Variants in SLC4A4 observed in about 807,000 individuals in gnomAD.
The protein encoded by SLC4A4 is electrogenic sodium bicarbonate cotransporter 1.
A neutral mutation model predicts 111.5 loss-of-function variants in SLC4A4; 27 were observed. The ratio of observed to expected loss-of-function variants is 0.24; its 90% CI spans 0.18 to 0.33. The LOEUF is 0.33. Ranked by LOEUF, SLC4A4 falls within the 10% of genes least tolerant of loss-of-function variation. SLC4A4 has a pLI of 1.00. For missense variants in SLC4A4, 909 were observed against 1,315.5 expected (o/e 0.69, Z 4.78); for synonymous variants, 443 against 463.4 (o/e 0.96, Z 0.57).
chr4:71,391,381 A>G (rs565768789), intron 6 of SLC4A4, among the ~76,000 whole-genome samples: 53 of 152,200 alleles, frequency 3.5e-4, no homozygotes, highest in South Asian at 2.3e-3. Flanking sequence ...GTGTCATTGT[A>G]TTACATTAAT....
In SLC4A4 at chr4:71,346,333, A is replaced by G. The variant is rs73826259; in HGVS notation, c.390-3579A>G. Among the ~76,000 whole-genome samples the G allele has an allele frequency of 7.9e-3, 1,203 of 152,280 alleles. 17 individuals are homozygous for G. The highest frequency in any genetic ancestry group is 0.026 in the African/African-American group (1,066 of 41,568). On this transcript the variant is annotated intron_variant, in intron 4 of 25. Transcript: ENST00000264485. ...AGTATTTAAAAAGCCTGCTTCTGAA[A>G]CAAATTTTTCTGTAACATGTCAAGT...
At chr4:71,420,480 A>G (rs1722341137) in intron 7 of SLC4A4, among the ~76,000 whole-genome samples, 1 of 152,038 alleles carries the variant, frequency 6.6e-6, no homozygotes, top group African/African-American at 2.4e-5. Context: ...CAGGAAATAC[A>G]GAGAACGCCA....
intron 3 of SLC4A4, among the ~76,000 whole-genome samples, chr4:71,274,410 A>G (rs1381890710): frequency 6.6e-6 from 1 of 152,202 alleles, no homozygotes. Flanking sequence ...TATGTGCCAT[A>G]TGAGATTTCC....
At chr4:71,462,898 T>A (rs1024149379) in intron 12 of SLC4A4, among the ~76,000 whole-genome samples, 2 of 152,186 alleles carry the variant, frequency 1.3e-5, no homozygotes, top group African/African-American at 4.8e-5. Flanking sequence ...ATGGTATAGA[T>A]GTCTATCTGG....
At chr4:71,483,612 T>C (rs942208749) in intron 14 of SLC4A4, among the ~76,000 whole-genome samples, 1 of 151,970 alleles carries the variant, frequency 6.6e-6, no homozygotes, top group African/African-American at 2.4e-5. Context: ...TTTGCTGTTG[T>C]GGATAGTGCT....
rs912050196 is a variant in SLC4A4, at chr4:71,568,784, A to G, written c.*1033A>G. 3.9e-5 allele frequency: 6 copies of G among 152,174 alleles called. No individual in the cohort carries two copies. The highest frequency in any genetic ancestry group is 1.4e-4 in the African/African-American group (6 of 41,406). The allele number at this position is 152,174 out of a possible 1,614,324, so 9.4% of individuals were successfully genotyped here. ...TACACATACATACACACACAAATAC[A>G]CAATCTCTAGGGTAAGCCAGAAGGC... is the stretch of plus-strand genomic sequence containing the variant. On this transcript the variant is annotated 3_prime_UTR_variant, in exon 26 of 26. Coordinates refer to ENST00000264485, the MANE Select transcript of SLC4A4 (RefSeq NM_001098484.3).
intron 16 of SLC4A4, among the ~76,000 whole-genome samples, chr4:71,498,224 A>G (rs1188617285): frequency 6.6e-6 from 1 of 152,164 alleles, no homozygotes; most frequent in Non-Finnish European, 1.5e-5. Context: ...CGTAGTACAG[A>G]GAAACAGATA....
At chr4:71,424,402 A>G (rs993300868) in intron 7 of SLC4A4, among the ~76,000 whole-genome samples, 1 of 151,324 alleles carries the variant, frequency 6.6e-6, no homozygotes, top group African/African-American at 2.4e-5. Context: ...GGGACTGTAA[A>G]CTAGTTCAAC....
At chr4:71,323,910 G>A (rs1165224217) in intron 3 of SLC4A4, among the ~76,000 whole-genome samples, 1 of 151,880 alleles carries the variant, frequency 6.6e-6, no homozygotes, top group Non-Finnish European at 1.5e-5. Flanking sequence ...GGGAACGTTG[G>A]GAGTTGACAT....
chr4:71,300,563 T>G, intron 3 of SLC4A4: 1 of 271,674 alleles, frequency 3.7e-6, no homozygotes, highest in Non-Finnish European at 7.5e-6. Flanking sequence ...ACACCAAAGG[T>G]GTAGAGGAAG....
intron 2 of SLC4A4, among the ~76,000 whole-genome samples, chr4:71,105,486 G>A (rs1443742830): frequency 4.0e-5 from 6 of 151,636 alleles, no homozygotes; most frequent in East Asian, 1.9e-4. Context: ...CCAAAAGAAC[G>A]AAGCTGGAGG....
chr4:71,418,617 AC>A (rs1269852812), intron 7 of SLC4A4, among the ~76,000 whole-genome samples: 1 of 152,228 alleles, frequency 6.6e-6, no homozygotes, highest in African/African-American at 2.4e-5. Flanking sequence ...TCTAAATCAC[AC>A]CTTTAAGATA....
chr4:71,294,963 A>G (rs1007787634), intron 3 of SLC4A4, among the ~76,000 whole-genome samples: 7 of 152,204 alleles, frequency 4.6e-5, no homozygotes, highest in Admixed American at 2.0e-4. Context: ...TTTACAACTC[A>G]TTGCTTTTCT....
intron 20 of SLC4A4, among the ~76,000 whole-genome samples, chr4:71,554,231 T>C (rs1170606547): frequency 1.3e-5 from 2 of 151,870 alleles, no homozygotes; most frequent in Non-Finnish European, 2.9e-5. Context: ...GTGGATTTGG[T>C]AAGATTGGCC....
At chr4:71,170,821 A>T (rs1744912980) in intron 2 of SLC4A4, among the ~76,000 whole-genome samples, 1 of 152,234 alleles carries the variant, frequency 6.6e-6, no homozygotes, top group Admixed American at 6.5e-5. Context: ...TTTAGGGCTG[A>T]ACTAATCAGA....
At chr4:71,386,454 A>G (rs1718725931) in intron 6 of SLC4A4, among the ~76,000 whole-genome samples, 1 of 152,090 alleles carries the variant, frequency 6.6e-6, no homozygotes, top group Non-Finnish European at 1.5e-5. Flanking sequence ...AGAACTCCTA[A>G]TAATCAGATA....
At chr4:71,275,640 A>G (rs1407943121) in intron 3 of SLC4A4, among the ~76,000 whole-genome samples, 2 of 152,238 alleles carry the variant, frequency 1.3e-5, no homozygotes, top group African/African-American at 2.4e-5. Flanking sequence ...CAAATTACCT[A>G]TTTAAACCTC....
At chr4:71,544,672 C>A (rs1464672696) in intron 18 of SLC4A4, among the ~76,000 whole-genome samples, 1 of 152,072 alleles carries the variant, frequency 6.6e-6, no homozygotes, top group Non-Finnish European at 1.5e-5. Context: ...ACACAGCAGC[C>A]AGTGTGTTTA....
At chr4:71,373,689 G>A (rs1732088539) in intron 6 of SLC4A4, among the ~76,000 whole-genome samples, 1 of 152,172 alleles carries the variant, frequency 6.6e-6, no homozygotes, top group Non-Finnish European at 1.5e-5. Flanking sequence ...TTTATGTTAG[G>A]GAAATTAACC....
Sources: gnomAD v4.1 joint callset for allele counts (sites outside exome capture counted in the v4.1 genomes callset) on GRCh38, gnomAD v4.1.1 for gene constraint, MANE v1.5 for transcripts, NCBI Gene and HGNC (gene_info 2026-07-23, HGNC 2026-07-21) for gene names.